CACNA1E: variants seen among roughly 807,000 people sequenced by gnomAD.
CACNA1E encodes calcium voltage-gated channel subunit alpha1 E.
In CACNA1E, 40 loss-of-function variants were observed where a neutral mutation model predicts 259.2. The observed-to-expected ratio is 0.15, with a 90% confidence interval of 0.12 to 0.20. CACNA1E has a LOEUF of 0.20. CACNA1E is among the 10% of genes least tolerant of loss of function. CACNA1E has a pLI of 1.00. For missense variants in CACNA1E, 1,874 were observed against 3,040.1 expected (o/e 0.62, Z 9.02); for synonymous variants, 1,104 against 1,138.5 (o/e 0.97, Z 0.61).
chr1:181,511,320 C>G, intron 2 of CACNA1E, 51 bp from the exon 3 acceptor site: 1 of 1,605,330 alleles, frequency 6.2e-7, no homozygotes, highest in Non-Finnish European at 8.5e-7. Flanking sequence ...GCCTGTGTCT[C>G]ATAAAGCACA....
intron 7 of CACNA1E, among the ~76,000 whole-genome samples, chr1:181,662,925 C>T (rs961015904): frequency 6.6e-6 from 1 of 152,226 alleles, no homozygotes; most frequent in Admixed American, 6.5e-5. Flanking sequence ...CCTTTCTATT[C>T]TCTGCTCATG....
chr1:181,728,922 G>A (rs1352347638), intron 18 of CACNA1E, among the ~76,000 whole-genome samples: 1 of 92,680 alleles, frequency 1.1e-5, no homozygotes, highest in Non-Finnish European at 2.2e-5. Flanking sequence ...ACAGATGTGT[G>A]AACATTGCTC....
intron 6 of CACNA1E, among the ~76,000 whole-genome samples, chr1:181,639,202 G>A (rs187481695): frequency 1.3e-5 from 2 of 151,690 alleles, no homozygotes; most frequent in African/African-American, 2.4e-5. Flanking sequence ...ATTCTCCTGC[G>A]TCAGCCTCCC....
At chr1:181,674,847 G>A (rs965382799) in intron 7 of CACNA1E, among the ~76,000 whole-genome samples, 7 of 152,198 alleles carry the variant, frequency 4.6e-5, no homozygotes, top group East Asian at 3.8e-4. Context: ...CCAGCTCAGC[G>A]TGCCAGGGCA....
chr1:181,750,949 G>C (rs2102657256), intron 26 of CACNA1E, among the ~76,000 whole-genome samples: 1 of 152,090 alleles, frequency 6.6e-6, no homozygotes, highest in African/African-American at 2.4e-5. Context: ...TTCTGTGAAA[G>C]AATGGATGGA....
chr1:181,528,325 G>A (rs937385137), intron 3 of CACNA1E, among the ~76,000 whole-genome samples: 2 of 146,546 alleles, frequency 1.4e-5, no homozygotes, highest in African/African-American at 5.1e-5. Context: ...TTATTCTGAG[G>A]CCTCCCCAGC....
chr1:181,753,908 G>A (rs887318899), intron 27 of CACNA1E, among the ~76,000 whole-genome samples: 1 of 152,154 alleles, frequency 6.6e-6, no homozygotes, highest in Non-Finnish European at 1.5e-5. Context: ...GGCCCACCGC[G>A]TGGGTTCCCA....
At chr1:181,710,040 T>C (rs916673980) in intron 7 of CACNA1E, among the ~76,000 whole-genome samples, 5 of 152,110 alleles carry the variant, frequency 3.3e-5, no homozygotes, top group Non-Finnish European at 7.4e-5. Context: ...GAGCCCTTAG[T>C]CCTCTTCTCT....
At position 181,732,492 on chromosome 1, in the gene CACNA1E, G is replaced by A. The variant is rs1192075910; in HGVS notation, c.2406G>A (p.Ala802=). The A allele has an allele frequency of 1.4e-5, 21 of 1,551,446 alleles. No homozygotes were observed. In the South Asian group the frequency reaches 1.4e-4, roughly 11 times the overall value. ...SSQEALNREE[A]PTMNPLNPLN... The stretch of plus-strand genomic sequence containing the variant: ...AGGAGGCCCTCAACAGAGAGGAGGC[G>A]CCGACCATGAACCCGCTCAACCCCC... The change falls in exon 20 of 48, where the codon GCG becomes GCA. Residue 802 remains alanine, a synonymous_variant. Transcript: ENST00000367573. The surrounding 1 kb of genome is among the most constrained non-coding windows in gnomAD (Gnocchi z 5.5).
chr1:181,573,548 G>A (rs2102948127), intron 3 of CACNA1E, among the ~76,000 whole-genome samples: 1 of 152,320 alleles, frequency 6.6e-6, no homozygotes, highest in South Asian at 2.1e-4. Context: ...CCACGGGACA[G>A]GATCTGTCCA....
rs567758950 is a variant in CACNA1E at position 181,738,396 on chromosome 1, G to A, written c.3582G>A (p.Thr1194=). The A allele has an allele frequency of 4.2e-5, 67 of 1,613,892 alleles. 1 individual carries two copies. The highest frequency in any genetic ancestry group is 3.6e-4 in the East Asian group (16 of 44,888). Residue 1194 remains threonine, a synonymous_variant, in exon 24 of 48, where the codon ACG becomes ACA. Transcript: ENST00000367573. The part of the protein sequence containing the change: ...KVLRYFDYVF[T]GVFTFEMVIK... The stretch of plus-strand genomic sequence containing the variant: ...TGAGGTATTTTGACTATGTGTTCAC[G>A]GGCGTGTTCACCTTTGAGATGGTTA...
intron 29 of CACNA1E, among the ~76,000 whole-genome samples, chr1:181,756,628 T>C (rs1455563734): frequency 2.6e-5 from 4 of 152,184 alleles, no homozygotes; most frequent in Admixed American, 1.3e-4. Context: ...AGGTTCTACT[T>C]GGCAGCAAAA....
rs1662229369 is a variant in CACNA1E at position 181,800,983 on chromosome 1, TG to T, written c.*2152del. The T allele has an allele frequency of 1.3e-5, 2 of 152,794 alleles. No individual in the cohort carries two copies. The highest frequency in any genetic ancestry group is 2.9e-5 in the Non-Finnish European group (2 of 68,044). 9.5% of individuals were successfully genotyped at this position (152,794 alleles called of 1,614,324 possible). A position where few individuals can be genotyped will look rare whatever the true frequency, so the allele number is the denominator to read the frequency against. On this transcript the variant is annotated 3_prime_UTR_variant, in exon 48 of 48. Transcript: ENST00000367573. ...TAGCACATGTGTGCTTGAGGGTGGC[TG>T]GGAATGTGATATACAGCACCCTGAT...
At position 181,790,428 on chromosome 1, in the gene CACNA1E, T is replaced by C. The variant is rs747757024; in HGVS notation, c.5787-17T>C. Reference sequence around the variant, plus strand: ...TGACTGTCCCTCATTACCTCTGGATTTGACATTGCTTTTCAGGAGTGGCCG... The same window carrying C: ...TGACTGTCCCTCATTACCTCTGGATCTGACATTGCTTTTCAGGAGTGGCCG... On this transcript the variant is annotated splice_polypyrimidine_tract_variant and intron_variant, in intron 43 of 47. Coordinates refer to ENST00000367573, the MANE Select transcript of CACNA1E (RefSeq NM_001205293.3). 46 of 1,522,198 alleles carry C rather than the reference T, an allele frequency of 3.0e-5. No individual in the cohort carries two copies. The Admixed American group carries it at 7.2e-4, about 24-fold the overall frequency. 94.3% of individuals were successfully genotyped at this position (1,522,198 alleles called of 1,614,324 possible). A position where few individuals can be genotyped will look rare whatever the true frequency, so the allele number is the denominator to read the frequency against.
intron 3 of CACNA1E, among the ~76,000 whole-genome samples, chr1:181,562,185 A>G (rs1218845614): frequency 1.3e-5 from 2 of 152,086 alleles, no homozygotes; most frequent in South Asian, 4.1e-4. Flanking sequence ...TATTGCCCTC[A>G]CTTTGGGTCT....
At chr1:181,529,185 T>C (rs1667591189) in intron 3 of CACNA1E, among the ~76,000 whole-genome samples, 1 of 152,188 alleles carries the variant, frequency 6.6e-6, no homozygotes, top group African/African-American at 2.4e-5. Flanking sequence ...AATGTACAGC[T>C]CAGGCTGTGG....
At chr1:181,544,634 T>C (rs1647260489) in intron 3 of CACNA1E, among the ~76,000 whole-genome samples, 1 of 152,190 alleles carries the variant, frequency 6.6e-6, no homozygotes. Context: ...AATTTAGATG[T>C]AGCTGGCGTT....
intron 1 of CACNA1E, among the ~76,000 whole-genome samples, chr1:181,376,148 G>A (rs74127770): frequency 0.035 from 5,255 of 152,278 alleles, 311 homozygotes; most frequent in African/African-American, 0.12. Context: ...GGCTTGAGCT[G>A]TAGGAAGAAT....
intron 3 of CACNA1E, among the ~76,000 whole-genome samples, chr1:181,511,825 G>A (rs1666196642): frequency 6.6e-6 from 1 of 152,194 alleles, no homozygotes; most frequent in South Asian, 2.1e-4. Flanking sequence ...TCTGGGGAGG[G>A]TGACATTTCC....
Sources: allele counts gnomAD v4.1 joint callset (sites outside exome capture counted in the v4.1 genomes callset), GRCh38; gene constraint gnomAD v4.1.1; non-coding constraint Gnocchi (gnomAD v3.1); transcripts MANE v1.5; gene names NCBI Gene and HGNC (gene_info 2026-07-23, HGNC 2026-07-21).